EMSY: variants seen among roughly 807,000 people sequenced by gnomAD.
The protein encoded by EMSY is BRCA2-interacting transcriptional repressor EMSY.
A neutral mutation model predicts 134.6 loss-of-function variants in EMSY; 26 were observed. That is an observed-to-expected ratio of 0.19 (90% CI 0.14 to 0.27). The LOEUF is 0.27. EMSY is among the 10% of genes least tolerant of loss of function. The pLI is 1.00. For synonymous variants in EMSY, 579 were observed against 577.8 expected, an observed-to-expected ratio of 1.00 and a Z score of -0.03; for missense variants, 1,305 against 1,611.4, an observed-to-expected ratio of 0.81 and a Z score of 3.26.
At chr11:76,451,893 C>T (rs767815359) in exon 3 of EMSY, 3 of 1,593,150 alleles carry the variant, frequency 1.9e-6, no homozygotes, top group Non-Finnish European at 2.6e-6. Context: ...CAGTGCACTT[C>T]GGGCACAGGG....
intron 14 of EMSY, among the ~76,000 whole-genome samples, chr11:76,530,220 C>T (rs894359747): frequency 2.2e-5 from 3 of 133,458 alleles, no homozygotes; most frequent in Non-Finnish European, 4.6e-5. Flanking sequence ...AGTGCAGTGG[C>T]GTGATCTCGG....
At chr11:76,528,585 C>CTTT (rs1202039448) in intron 14 of EMSY, 119 bp downstream of exon 15, 546 of 419,456 alleles carry the variant, frequency 1.3e-3, no homozygotes, top group East Asian at 4.8e-3. Flanking sequence ...AATTCTTTTC[C>CTTT]TTTTTTTTTT....
At chr11:76,451,798 C>A in intron 2 of EMSY, 60 bp from the exon 3 acceptor site, 1 of 1,057,926 alleles carries the variant, frequency 9.5e-7, no homozygotes, top group Non-Finnish European at 1.3e-6. Context: ...TTTCACTATA[C>A]ATAGCCATAG....
At chr11:76,501,379 A>G (rs1422781126) in intron 9 of EMSY, among the ~76,000 whole-genome samples, 1 of 152,226 alleles carries the variant, frequency 6.6e-6, no homozygotes, top group African/African-American at 2.4e-5. Context: ...AAGTACTTTG[A>G]AGTAGCCATT....
At chr11:76,537,197 T>G (rs1333761654) in intron 15 of EMSY, among the ~76,000 whole-genome samples, 1 of 152,196 alleles carries the variant, frequency 6.6e-6, no homozygotes, top group Non-Finnish European at 1.5e-5. Flanking sequence ...AGAAAGTGAA[T>G]CTATTAATGG....
At chr11:76,455,102 T>C (rs1947815895) in intron 4 of EMSY, among the ~76,000 whole-genome samples, 1 of 152,162 alleles carries the variant, frequency 6.6e-6, no homozygotes, top group Non-Finnish European at 1.5e-5. Context: ...TTTTGGATAA[T>C]ATATGAGTTT....
chr11:76,545,014 G>T, intron 19 of EMSY, 192 bp downstream of exon 20: 1 of 653,148 alleles, frequency 1.5e-6, no homozygotes, highest in South Asian at 2.2e-5. Flanking sequence ...TTAATATGTA[G>T]GAAGAAAAAA....
chr11:76,523,175 A>G (rs1271759017), exon 12 of EMSY: 9 of 1,612,786 alleles, frequency 5.6e-6, no homozygotes, highest in African/African-American at 1.3e-5. Context: ...CAAAATCACT[A>G]CAATCCCAAT....
At chr11:76,533,414 A>G (rs2049044305) in intron 14 of EMSY, among the ~76,000 whole-genome samples, 1 of 152,148 alleles carries the variant, frequency 6.6e-6, no homozygotes, top group Admixed American at 6.5e-5. Flanking sequence ...TCTACTCAAT[A>G]TGAAAAAACT....
chr11:76,459,896 T>A (rs780581672), intron 5 of EMSY, 37 bp from the exon 7 acceptor site: 2 of 1,604,734 alleles, frequency 1.2e-6, no homozygotes, highest in East Asian at 2.2e-5. Flanking sequence ...ACAGTTTTGG[T>A]GAAAGTTAAC....
chr11:76,486,948 TCA>T (rs1475457300), intron 8 of EMSY, among the ~76,000 whole-genome samples: 2 of 152,162 alleles, frequency 1.3e-5, no homozygotes, highest in Non-Finnish European at 2.9e-5. Flanking sequence ...GTTTATACAA[TCA>T]GAGAGAAAAT....
At chr11:76,484,070 A>G (rs999446917) in intron 8 of EMSY, among the ~76,000 whole-genome samples, 1 of 152,254 alleles carries the variant, frequency 6.6e-6, no homozygotes, top group African/African-American at 2.4e-5. Flanking sequence ...CGGGGCAATC[A>G]AATTATAACT....
At chr11:76,481,250 A>T (rs1328720225) in intron 8 of EMSY, among the ~76,000 whole-genome samples, 1 of 151,936 alleles carries the variant, frequency 6.6e-6, no homozygotes, top group Non-Finnish European at 1.5e-5. Flanking sequence ...TCATCATGTT[A>T]GCCAGGATGG....
chr11:76,523,422 A>G, intron 12 of EMSY, 131 bp downstream of exon 13: 1 of 1,005,828 alleles, frequency 9.9e-7, no homozygotes, highest in Non-Finnish European at 1.4e-6. Context: ...GCTGGGATAT[A>G]ACAACTGTTA....
chr11:76,491,609 T>C (rs1405553152), intron 8 of EMSY, among the ~76,000 whole-genome samples: 1 of 152,238 alleles, frequency 6.6e-6, no homozygotes, highest in Non-Finnish European at 1.5e-5. Context: ...CAGTTTGGAC[T>C]CTGTACTCAC....
At chr11:76,530,790 T>C (rs1951013795) in intron 14 of EMSY, among the ~76,000 whole-genome samples, 1 of 152,174 alleles carries the variant, frequency 6.6e-6, no homozygotes, top group South Asian at 2.1e-4. Flanking sequence ...GGGATTAAGA[T>C]GTTGGTTGGT....
intron 2 of EMSY, among the ~76,000 whole-genome samples, chr11:76,447,528 T>C (rs1947468485): frequency 6.6e-6 from 1 of 152,258 alleles, no homozygotes; most frequent in South Asian, 2.1e-4. Flanking sequence ...ATGCTCACTT[T>C]TTCAAATTAT....
At chr11:76,539,243 A>G (rs1326990164) in intron 16 of EMSY, among the ~76,000 whole-genome samples, 1 of 152,212 alleles carries the variant, frequency 6.6e-6, no homozygotes, top group Non-Finnish European at 1.5e-5. Flanking sequence ...AAGAGAGATG[A>G]CTTATGAGGC....
At chr11:76,466,462 T>C (rs929545471) in intron 7 of EMSY, among the ~76,000 whole-genome samples, 4 of 152,176 alleles carry the variant, frequency 2.6e-5, no homozygotes, top group African/African-American at 4.8e-5. Context: ...TTTGACCTTA[T>C]AGGTTTATGT....
Sources: allele counts gnomAD v4.1 joint callset (sites outside exome capture counted in the v4.1 genomes callset), GRCh38; gene constraint gnomAD v4.1.1; transcripts MANE v1.5; gene names NCBI Gene and HGNC (gene_info 2026-07-23, HGNC 2026-07-21).